ZRANB3: variants seen among roughly 807,000 people sequenced by gnomAD.
ZRANB3 encodes DNA annealing helicase and endonuclease ZRANB3.
ZRANB3 carries 125 observed loss-of-function variants against 133.8 expected under a neutral mutation model. That is an observed-to-expected ratio of 0.93 (90% CI 0.81 to 1.08). The LOEUF is 1.08. Ranked by LOEUF, ZRANB3 falls within the 50% of genes least tolerant of loss-of-function variation. The probability of loss-of-function intolerance (pLI) is 0.00; values close to 1 mark genes in which losing one functional copy is unlikely to be tolerated. For synonymous variants in ZRANB3, 387 were observed against 432.7 expected, an observed-to-expected ratio of 0.89 and a Z score of 1.31; for missense variants, 1,229 against 1,275.5, an observed-to-expected ratio of 0.96 and a Z score of 0.56.
chr2:135,360,220 A>T (rs1685612037), intron 3 of ZRANB3, among the ~76,000 whole-genome samples: 1 of 151,826 alleles, frequency 6.6e-6, no homozygotes, highest in African/African-American at 2.4e-5. Context: ...CTCTATGAAA[A>T]ATACAAAAAA....
chr2:135,459,459 A>G (rs530631456), intron 2 of ZRANB3, among the ~76,000 whole-genome samples: 1 of 152,210 alleles, frequency 6.6e-6, no homozygotes, highest in African/African-American at 2.4e-5. Flanking sequence ...GAATATTACT[A>G]TAATTTCCTC....
At chr2:135,444,313 C>T (rs951460379) in intron 2 of ZRANB3, among the ~76,000 whole-genome samples, 3 of 152,110 alleles carry the variant, frequency 2.0e-5, no homozygotes, top group Non-Finnish European at 4.4e-5. Flanking sequence ...TCCAGAATTG[C>T]ATGGGAATGT....
chr2:135,429,197 T>C (rs1689216580), intron 2 of ZRANB3, among the ~76,000 whole-genome samples: 1 of 152,146 alleles, frequency 6.6e-6, no homozygotes, highest in Admixed American at 6.5e-5. Context: ...TGCAATACTA[T>C]ACAGCCATAA....
chr2:135,233,936 C>T (rs896905959), intron 12 of ZRANB3, among the ~76,000 whole-genome samples: 2 of 152,196 alleles, frequency 1.3e-5, no homozygotes, highest in Non-Finnish European at 2.9e-5. Flanking sequence ...CAAATTCACA[C>T]ATAACAGTAA....
chr2:135,212,215 A>C (rs1043939828), intron 17 of ZRANB3, among the ~76,000 whole-genome samples: 1 of 152,242 alleles, frequency 6.6e-6, no homozygotes, highest in African/African-American at 2.4e-5. Flanking sequence ...GTTAAAGCAC[A>C]GTAAATTGTT....
chr2:135,432,919 C>T (rs1401339676), intron 2 of ZRANB3, among the ~76,000 whole-genome samples: 1 of 152,180 alleles, frequency 6.6e-6, no homozygotes, highest in Non-Finnish European at 1.5e-5. Flanking sequence ...ATAGTCATGG[C>T]TATTTGGCAT....
chr2:135,279,856 G>C (rs1681013981), intron 8 of ZRANB3, among the ~76,000 whole-genome samples: 1 of 152,174 alleles, frequency 6.6e-6, no homozygotes, highest in African/African-American at 2.4e-5. Flanking sequence ...TTGTGATATT[G>C]CTTTTTAGGA....
intron 2 of ZRANB3, among the ~76,000 whole-genome samples, chr2:135,473,579 T>C (rs924629919): frequency 6.6e-6 from 1 of 152,082 alleles, no homozygotes; most frequent in East Asian, 1.9e-4. Flanking sequence ...GAAAAGAATA[T>C]GGAAATACAC....
intron 2 of ZRANB3, among the ~76,000 whole-genome samples, chr2:135,409,446 T>TA (rs142260063): frequency 0.1 from 15,692 of 151,324 alleles, 1,063 homozygotes; most frequent in South Asian, 0.32. Context: ...CGCTTTATGA[T>TA]AAAAAAAAAC....
At chr2:135,510,035 A>G (rs1322574100) in intron 1 of ZRANB3, among the ~76,000 whole-genome samples, 1 of 152,218 alleles carries the variant, frequency 6.6e-6, no homozygotes, top group African/African-American at 2.4e-5. Context: ...AAATTTTCCA[A>G]TGGCAATTTC....
At chr2:135,211,739 A>G (rs1694102693) in intron 17 of ZRANB3, among the ~76,000 whole-genome samples, 1 of 152,206 alleles carries the variant, frequency 6.6e-6, no homozygotes, top group Non-Finnish European at 1.5e-5. Flanking sequence ...TTATTCCATT[A>G]TATGGATAAA....
chr2:135,489,323 G>C (rs1188224295), intron 2 of ZRANB3, among the ~76,000 whole-genome samples: 1 of 102,242 alleles, frequency 9.8e-6, no homozygotes, highest in Admixed American at 1.3e-4. Flanking sequence ...TGGGGGGAGG[G>C]GGGAGGGATA....
chr2:135,441,416 C>A (rs1268181215), intron 2 of ZRANB3, among the ~76,000 whole-genome samples: 1 of 152,036 alleles, frequency 6.6e-6, no homozygotes, highest in Non-Finnish European at 1.5e-5. Flanking sequence ...CAAAGACATT[C>A]TCAGAAAAAC....
chr2:135,280,854 C>A (rs1681072630), intron 8 of ZRANB3, among the ~76,000 whole-genome samples: 1 of 152,204 alleles, frequency 6.6e-6, no homozygotes, highest in Admixed American at 6.5e-5. Flanking sequence ...TGCAACTAAG[C>A]CCTCACCTTG....
intron 1 of ZRANB3, among the ~76,000 whole-genome samples, chr2:135,515,675 G>A (rs1305167843): frequency 6.6e-6 from 1 of 152,082 alleles, no homozygotes. Flanking sequence ...CCATTCTTTT[G>A]CATTTGCTGA....
At chr2:135,345,500 T>G in intron 6 of ZRANB3, 50 bp downstream of exon 6, 3 of 1,284,732 alleles carry the variant, frequency 2.3e-6, no homozygotes, top group Non-Finnish European at 3.3e-6. Flanking sequence ...TAAAGCAATG[T>G]TCACAGTAAA....
At chr2:135,350,571 C>T (rs555397713) in intron 4 of ZRANB3, among the ~76,000 whole-genome samples, 1 of 152,312 alleles carries the variant, frequency 6.6e-6, no homozygotes, top group South Asian at 2.1e-4. Context: ...AACTTTCACA[C>T]AAATAGGATA....
At chr2:135,511,133 T>A in intron 1 of ZRANB3, 1 of 771,306 alleles carries the variant, frequency 1.3e-6, no homozygotes, top group Non-Finnish European at 2.4e-6. Context: ...CATAAGGAGG[T>A]ATCCCAGTAA....
At chr2:135,420,091 TTA>T (rs201217358) in intron 2 of ZRANB3, among the ~76,000 whole-genome samples, 1,268 of 72,224 alleles carry the variant, frequency 0.018, 15 homozygotes, top group East Asian at 0.032. Context: ...TATCTTAGAT[TTA>T]TATATATATA....
Sources: gnomAD v4.1 joint callset for allele counts (sites outside exome capture counted in the v4.1 genomes callset) on GRCh38, gnomAD v4.1.1 for gene constraint, MANE v1.5 for transcripts, NCBI Gene and HGNC (gene_info 2026-07-23, HGNC 2026-07-21) for gene names.